Variants in C2CD5 observed in about 807,000 individuals in gnomAD.
C2CD5 encodes the protein C2 domain-containing protein 5.
Under a neutral mutation model 130.3 loss-of-function variants are expected in C2CD5, and 109 were observed. That is an observed-to-expected ratio of 0.84 (90% CI 0.72 to 0.98). C2CD5 has a LOEUF of 0.98. Among genes scored for constraint, C2CD5 ranks in the 50% least tolerant of loss-of-function variants. The probability of loss-of-function intolerance (pLI) is 0.00; values close to 1 mark genes in which losing one functional copy is unlikely to be tolerated. For synonymous variants in C2CD5, 454 were observed against 429.2 expected, an observed-to-expected ratio of 1.06 and a Z score of -0.71; for missense variants, 996 against 1,261.8, an observed-to-expected ratio of 0.79 and a Z score of 3.19.
intron 8 of C2CD5, 88 bp from the exon 9 acceptor site, chr12:22,513,467 T>C (rs1317362641): frequency 6.1e-6 from 5 of 820,326 alleles, no homozygotes; most frequent in Admixed American, 3.5e-5. Context: ...ACATCATGAG[T>C]TGAAATGTGA....
At chr12:22,498,965 T>C (rs530870274) in intron 10 of C2CD5, among the ~76,000 whole-genome samples, 1 of 152,276 alleles carries the variant, frequency 6.6e-6, no homozygotes, top group South Asian at 2.1e-4. Flanking sequence ...GAAAAAATAG[T>C]AAATTATCCG....
intron 22 of C2CD5, chr12:22,463,439 C>T (rs1031726864): frequency 2.0e-5 from 3 of 152,020 alleles, no homozygotes; most frequent in Non-Finnish European, 4.4e-5. Flanking sequence ...GGCCAGGTCT[C>T]CACCCTTATG....
chr12:22,457,116 C>T lies in C2CD5; in HGVS notation c.2732G>A (p.Arg911Gln), dbSNP rs775695990. The part of the protein sequence containing the change: ...KASPVGDGNF[R>Q]NRSAPPCANS... ...TGCACAAGGTGGAGCAGAACGATTCCGGAAATTTCCATCACCCACTGGACT... is the reference window on the plus strand; with the variant it reads ...TGCACAAGGTGGAGCAGAACGATTCTGGAAATTTCCATCACCCACTGGACT... The change falls in exon 25 of 27, where the codon CGG (arginine) becomes CAG (glutamine). Residue 911 changes from arginine (R) to glutamine (Q), a missense_variant. Coordinates refer to ENST00000446597, the MANE Select transcript of C2CD5 (RefSeq NM_001286176.2). 19 of 1,609,752 alleles carry T rather than the reference C, an allele frequency of 1.2e-5. No individual in the cohort carries two copies. Among genetic ancestry groups the T allele is most frequent in the Admixed American group, 5.1e-5 (3 of 59,190 alleles).
intron 14 of C2CD5, among the ~76,000 whole-genome samples, chr12:22,480,803 A>T (rs1008261289): frequency 2.7e-4 from 39 of 145,626 alleles, no homozygotes; most frequent in African/African-American, 8.8e-4. Flanking sequence ...TATAAAAGAA[A>T]TTTTTTTTTT....
At chr12:22,504,756 G>C (rs1027585879) in intron 10 of C2CD5, among the ~76,000 whole-genome samples, 6 of 152,182 alleles carry the variant, frequency 3.9e-5, no homozygotes, top group Admixed American at 2.0e-4. Flanking sequence ...TGGGTCACAA[G>C]GGTGATGTCA....
rs1015103811 is a variant in C2CD5 at position 22,449,774 on chromosome 12, C to T, written c.3142G>A (p.Glu1048Lys). 2.2e-5 allele frequency: 35 copies of T among 1,591,886 alleles called. No individual in the cohort carries two copies. The highest frequency in any genetic ancestry group is 2.8e-5 in the Non-Finnish European group (33 of 1,163,610). Residue 1048 changes from glutamate (E) to lysine (K), a missense_variant, in exon 27 of 27, where the codon GAA becomes AAA. This residue lies in a region of C2CD5 where 48 missense variants were observed against 46.4 expected (regional missense o/e 1.03). Transcript: ENST00000446597. ...TNCQSSCTEG[E>K]VTT is the part of the protein sequence containing the mutation. ...CCTAATTTTCCTCAGGTTGTAACTT[C>T]GCCTTCAGTACATGATGACTGGCAG...
At chr12:22,504,424 C>G (rs144386495) in intron 10 of C2CD5, among the ~76,000 whole-genome samples, 3,534 of 151,876 alleles carry the variant, frequency 0.023, 76 homozygotes, top group Non-Finnish European at 0.032. Flanking sequence ...GTCTCAGCCT[C>G]CCGAGTAGCT....
Position 22,478,217 on chromosome 12 carries a change from AGT to A in C2CD5, c.1902+94_1902+95del, listed in dbSNP as rs543934323. The A allele has an allele frequency of 1.0e-3, 984 of 942,772 alleles. 3 individuals are homozygous for A. The highest frequency in any genetic ancestry group is 1.2e-3 in the Middle Eastern group (4 of 3,204). 58.4% of individuals were successfully genotyped at this position (942,772 alleles called of 1,614,324 possible). On this transcript the variant is annotated intron_variant, in intron 15 of 26. Coordinates refer to ENST00000446597, the MANE Select transcript of C2CD5 (RefSeq NM_001286176.2). ...GAATGAGTAATAAGGAGAGCTAAACAGTGAAAAAAAAATCTTGTGTCCTCAAT... is the reference window on the plus strand; with the variant it reads ...GAATGAGTAATAAGGAGAGCTAAACAGAAAAAAAAATCTTGTGTCCTCAAT...
intron 7 of C2CD5, among the ~76,000 whole-genome samples, 158 bp from the exon 8 acceptor site, chr12:22,518,295 TAACC>T (rs1276926791): frequency 2.0e-5 from 3 of 152,176 alleles, no homozygotes; most frequent in Non-Finnish European, 4.4e-5. Flanking sequence ...AATTGCTGTT[TAACC>T]ATTCATCACT....
intron 26 of C2CD5, 101 bp downstream of exon 26, chr12:22,453,795 G>T: frequency 1.0e-6 from 1 of 969,504 alleles, no homozygotes; most frequent in Non-Finnish European, 1.6e-6. Flanking sequence ...AGACTCAAAG[G>T]GCTCTAAAGA....
In C2CD5 at chr12:22,523,635, T is replaced by G; in HGVS notation, c.602-11A>C. ...TCCTCTGCAGCTCACCTACAAAACA[T>G]GGGAAATCTCATTCTTGCTTTGTAG... On this transcript the variant is annotated splice_polypyrimidine_tract_variant and intron_variant, in intron 6 of 26. Coordinates refer to ENST00000446597, the MANE Select transcript of C2CD5 (RefSeq NM_001286176.2). 1.9e-6 allele frequency: 3 copies of G among 1,603,810 alleles called. No individual in the cohort carries two copies. The highest frequency in any genetic ancestry group is 2.6e-6 in the Non-Finnish European group (3 of 1,173,324).
Position 22,517,974 on chromosome 12 carries a change from G to A in C2CD5, c.952+12C>T. On this transcript the variant is annotated intron_variant, in intron 8 of 26. Transcript: ENST00000446597. The stretch of plus-strand genomic sequence containing the variant: ...AAAAAGAAAAAATAAAAGGTGGGTG[G>A]AAGCGCCTTACCAGTTTTGGGTGTC... 1 of 1,597,230 alleles carries A rather than the reference G, an allele frequency of 6.3e-7. No individual in the cohort carries two copies. Among genetic ancestry groups the A allele is most frequent in the Non-Finnish European group, 8.5e-7 (1 of 1,171,784 alleles).
intron 2 of C2CD5, among the ~76,000 whole-genome samples, chr12:22,537,324 A>C (rs1232871709): frequency 3.3e-5 from 5 of 152,192 alleles, no homozygotes; most frequent in African/African-American, 1.2e-4. Context: ...CTAAGGCAAG[A>C]GGAGCTTGAA....
intron 3 of C2CD5, among the ~76,000 whole-genome samples, chr12:22,532,710 T>A (rs1415670404): frequency 1.3e-5 from 2 of 152,122 alleles, no homozygotes; most frequent in Non-Finnish European, 2.9e-5. Flanking sequence ...GTTTGGCAGG[T>A]TCCCCAGCAT....
rs565957070 is a variant in C2CD5 at position 22,473,703 on chromosome 12, G to A, written c.2044-896C>T. 3.9e-4 allele frequency among the ~76,000 whole-genome samples: 59 copies of A among 152,178 alleles called. 1 individual carries two copies. Among genetic ancestry groups the A allele is most frequent in the Admixed American group, 3.6e-3 (55 of 15,264 alleles). On this transcript the variant is annotated intron_variant, in intron 16 of 26. Coordinates refer to ENST00000446597, the MANE Select transcript of C2CD5 (RefSeq NM_001286176.2). ...GAAAGTTTGTTAAACAGATTCCTGG[G>A]CTCCACCTTGAAATTCTCATCTACT...
intron 2 of C2CD5, among the ~76,000 whole-genome samples, chr12:22,538,749 T>C (rs1014194727): frequency 6.6e-6 from 1 of 152,220 alleles, no homozygotes; most frequent in African/African-American, 2.4e-5. Context: ...ACATACTCTG[T>C]TCTTTTGCTT....
At position 22,448,597 on chromosome 12, in the gene C2CD5, C is replaced by A. The variant is rs533943876; in HGVS notation, c.*1163G>T. ...GAATATTCCAGTTTATTTTTATACACTTTTTATTTAAAAAATAAAATTATA... is the reference window on the plus strand; with the variant it reads ...GAATATTCCAGTTTATTTTTATACAATTTTTATTTAAAAAATAAAATTATA... On this transcript the variant is annotated 3_prime_UTR_variant, in exon 27 of 27. Coordinates refer to ENST00000446597, the MANE Select transcript of C2CD5 (RefSeq NM_001286176.2). The A allele has an allele frequency of 1.3e-5, 2 of 152,150 alleles. No individual in the cohort carries two copies. The highest frequency in any genetic ancestry group is 4.1e-4 in the South Asian group (2 of 4,822). The allele number at this position is 152,150 out of a possible 1,614,324, so 9.4% of individuals were successfully genotyped here.
intron 13 of C2CD5, 120 bp downstream of exon 13, chr12:22,484,577 T>C (rs1173566037): frequency 2.2e-6 from 1 of 459,664 alleles, no homozygotes; most frequent in Non-Finnish European, 3.9e-6. Context: ...CCAGCAGAAT[T>C]GTCCAGTTTG....
chr12:22,535,667 G>A (rs67555467), intron 2 of C2CD5, among the ~76,000 whole-genome samples: 23,955 of 152,100 alleles, frequency 0.16, 3,795 homozygotes, highest in African/African-American at 0.41. Context: ...ATATGATCAG[G>A]TAAGTCACAG....
Sources: gnomAD v4.1 joint callset for allele counts (sites outside exome capture counted in the v4.1 genomes callset) on GRCh38, gnomAD v4.1.1 for gene constraint, gnomAD v4.1.1 regional missense constraint, MANE v1.5 for transcripts, NCBI Gene and HGNC (gene_info 2026-07-23, HGNC 2026-07-21) for gene names.